Variants in CPA3 observed in about 807,000 individuals in gnomAD.
CPA3 encodes the protein carboxypeptidase A3.
Under a neutral mutation model 55.8 loss-of-function variants are expected in CPA3, and 52 were observed. The observed-to-expected ratio is 0.93, with a 90% CI of 0.75 to 1.17. CPA3 has a LOEUF of 1.17. Among genes scored for constraint, CPA3 ranks in the 50% most tolerant of loss-of-function variants. CPA3 has a pLI of 0.00. For synonymous variants in CPA3, 179 were observed against 171.2 expected (o/e 1.05, Z -0.36); for missense variants, 547 against 509.1 (o/e 1.07, Z -0.72).
chr3:148,887,112 C>G (rs774906747), intron 10 of CPA3, among the ~76,000 whole-genome samples: 9 of 152,004 alleles, frequency 5.9e-5, no homozygotes, highest in Non-Finnish European at 1.2e-4. Flanking sequence ...TAAAAGAAAT[C>G]AGTAATTTTT....
Position 148,886,165 on chromosome 3 carries a change from G to A in CPA3, c.1054G>A (p.Glu352Lys). ...AACCCGCTACATCTATGGCCCAATA[G>A]AATCAACAATTTGTAAGTCATTCCT... The part of the protein sequence containing the change: ...YETRYIYGPI[E>K]STIYPISGSS... Residue 352 changes from glutamate (E) to lysine (K), a missense_variant, in exon 10 of 11, where the codon GAA (glutamate) becomes AAA (lysine). Coordinates refer to ENST00000296046, the MANE Select transcript of CPA3 (RefSeq NM_001870.4). 6.2e-7 allele frequency: 1 copy of A among 1,609,202 alleles called. No homozygotes were observed. Among genetic ancestry groups the A allele is most frequent in the Non-Finnish European group, 8.5e-7 (1 of 1,176,588 alleles).
intron 3 of CPA3, among the ~76,000 whole-genome samples, chr3:148,870,302 T>A (rs1454437203): frequency 6.6e-6 from 1 of 151,958 alleles, no homozygotes; most frequent in Non-Finnish European, 1.5e-5. Context: ...TTACCTGACT[T>A]GGTACTTTAA....
At chr3:148,884,883 C>G (rs529743649) in intron 9 of CPA3, among the ~76,000 whole-genome samples, 2 of 150,716 alleles carry the variant, frequency 1.3e-5, no homozygotes, top group African/African-American at 4.9e-5. Flanking sequence ...AAAAAAACCA[C>G]TTTGAGTAAA....
chr3:148,884,378 TA>T (rs757714022), intron 9 of CPA3, among the ~76,000 whole-genome samples: 6 of 151,532 alleles, frequency 4.0e-5, no homozygotes, highest in East Asian at 3.9e-4. Context: ...ATGTGAGCTT[TA>T]AAAAAAAAGT....
At chr3:148,883,434 G>A (rs1714428245) in intron 8 of CPA3, among the ~76,000 whole-genome samples, 179 bp from the exon 9 acceptor site, 1 of 152,174 alleles carries the variant, frequency 6.6e-6, no homozygotes, top group Non-Finnish European at 1.5e-5. Flanking sequence ...GTTACAATCT[G>A]GCATGTGTGT....
intron 3 of CPA3, among the ~76,000 whole-genome samples, chr3:148,870,691 T>C (rs1714040590): frequency 6.6e-6 from 1 of 152,134 alleles, no homozygotes; most frequent in Non-Finnish European, 1.5e-5. Context: ...AACTAATTGA[T>C]ACCAGCTTTT....
At chr3:148,870,519 C>T (rs1714034174) in intron 3 of CPA3, among the ~76,000 whole-genome samples, 1 of 152,058 alleles carries the variant, frequency 6.6e-6, no homozygotes, top group Non-Finnish European at 1.5e-5. Context: ...TTAAAGATAA[C>T]ATTCTATTAT....
chr3:148,871,450 T>G (rs1714065303), intron 3 of CPA3, among the ~76,000 whole-genome samples: 2 of 152,230 alleles, frequency 1.3e-5, no homozygotes, highest in South Asian at 4.1e-4. Context: ...GCTAGTTGCT[T>G]GGCATGAGCA....
chr3:148,891,497 CACACACACACACACAT>C (rs1250742091), intron 10 of CPA3, among the ~76,000 whole-genome samples: 10 of 149,456 alleles, frequency 6.7e-5, no homozygotes, highest in African/African-American at 2.0e-4. Flanking sequence ...CACACACACA[CACACACACACACACAT>C]ACACACACAC....
At chr3:148,868,456 G>T (rs1713966327) in intron 2 of CPA3, among the ~76,000 whole-genome samples, 1 of 151,918 alleles carries the variant, frequency 6.6e-6, no homozygotes, top group Non-Finnish European at 1.5e-5. Context: ...CTTTGCTGGG[G>T]GTCTATGCCA....
rs774345537 is a variant in CPA3 at position 148,865,496 on chromosome 3, C to T, written c.92C>T (p.Pro31Leu). Residue 31 changes from proline (P) to leucine (L), a missense_variant, in exon 2 of 11, where the codon CCC becomes CTC. Pro to Leu is a moderately conservative substitution (Grantham distance 98, BLOSUM62 -3). Transcript: ENST00000296046. ...AGGGAGAAGGTGTTCCGCGTGAAGC[C>T]CCAGGATGAAAAACAAGCAGACATC... Reference protein sequence around the residue: ...FDREKVFRVKPQDEKQADIIK... With the variant: ...FDREKVFRVKLQDEKQADIIK... 16 of 1,613,744 alleles carry T rather than the reference C, an allele frequency of 9.9e-6. No individual in the cohort carries two copies. In the South Asian group the frequency reaches 1.6e-4, roughly 17 times the overall value.
At chr3:148,881,090 T>C (rs1305865678) in intron 6 of CPA3, among the ~76,000 whole-genome samples, 1 of 152,226 alleles carries the variant, frequency 6.6e-6, no homozygotes, top group Non-Finnish European at 1.5e-5. Flanking sequence ...ATTTTTTATT[T>C]AATCCTGCTT....
At chr3:148,873,565 A>G (rs1173003177) in intron 3 of CPA3, among the ~76,000 whole-genome samples, 1 of 152,210 alleles carries the variant, frequency 6.6e-6, no homozygotes, top group Non-Finnish European at 1.5e-5. Flanking sequence ...ACAGACTTCC[A>G]TGAGAGTTGG....
intron 10 of CPA3, among the ~76,000 whole-genome samples, chr3:148,888,595 G>A (rs1714594137): frequency 6.6e-6 from 1 of 152,220 alleles, no homozygotes; most frequent in South Asian, 2.1e-4. Context: ...AGCCCACTTA[G>A]TAGATACTAA....
intron 3 of CPA3, among the ~76,000 whole-genome samples, chr3:148,875,550 T>A (rs1311236725): frequency 6.6e-6 from 1 of 152,152 alleles, no homozygotes; most frequent in African/African-American, 2.4e-5. Flanking sequence ...GGGAGTTTTT[T>A]AACTTTTCTC....
intron 9 of CPA3, among the ~76,000 whole-genome samples, chr3:148,885,323 G>A (rs1714497715): frequency 6.6e-6 from 1 of 150,936 alleles, no homozygotes; most frequent in Non-Finnish European, 1.5e-5. Context: ...TAGAAGAAAG[G>A]AATGAGGAGA....
At chr3:148,886,393 T>A (rs967117842) in intron 10 of CPA3, among the ~76,000 whole-genome samples, 1 of 152,180 alleles carries the variant, frequency 6.6e-6, no homozygotes, top group Non-Finnish European at 1.5e-5. Context: ...TATACTGAAC[T>A]TTTACAGGGT....
chr3:148,870,819 C>T (rs1410568332), intron 3 of CPA3, among the ~76,000 whole-genome samples: 2 of 152,128 alleles, frequency 1.3e-5, no homozygotes, highest in Non-Finnish European at 2.9e-5. Context: ...TATCTGTTTA[C>T]ATTAAGGTTC....
In CPA3 at chr3:148,869,185, C is replaced by T. The variant is rs1488638860; in HGVS notation, c.269+146C>T. 5.4e-6 allele frequency: 5 copies of T among 928,050 alleles called. No individual in the cohort carries two copies. The Admixed American group carries it at 1.5e-4, about 27-fold the overall frequency. 57.5% of individuals were successfully genotyped at this position (928,050 alleles called of 1,614,324 possible). ...TGTAAGATACAGATCACAGTTACTT[C>T]CAAACACATTATCGAAGCCTGTTTA... On this transcript the variant is annotated intron_variant, in intron 3 of 10. Coordinates refer to ENST00000296046, the MANE Select transcript of CPA3 (RefSeq NM_001870.4).
Sources: allele counts gnomAD v4.1 joint callset (sites outside exome capture counted in the v4.1 genomes callset), GRCh38; gene constraint gnomAD v4.1.1; transcripts MANE v1.5; gene names NCBI Gene and HGNC (gene_info 2026-07-23, HGNC 2026-07-21).